Variants in GALNT18 observed in about 807,000 individuals in gnomAD.
GALNT18 encodes GalNAc-transferase 18.
In GALNT18, 44 loss-of-function variants were observed where a neutral mutation model predicts 69.5. The observed-to-expected ratio is 0.63, with a 90% CI of 0.50 to 0.81. The LOEUF (loss-of-function observed/expected upper bound fraction) is 0.81, where lower values mean the gene tolerates loss of function less well. GALNT18 is among the 40% of genes least tolerant of loss of function. The pLI, the probability that GALNT18 is intolerant of heterozygous loss-of-function variation, is 0.00. For synonymous variants in GALNT18, 364 were observed against 318.2 expected (o/e 1.14, Z -1.53); for missense variants, 715 against 810.0 (o/e 0.88, Z 1.42).
chr11:11,437,137 A>G (rs945774753), intron 2 of GALNT18, among the ~76,000 whole-genome samples: 7 of 152,152 alleles, frequency 4.6e-5, no homozygotes, highest in African/African-American at 1.7e-4. Flanking sequence ...AGAAGGGCTG[A>G]GGACACAGAG....
chr11:11,329,548 T>A (rs1849983252), intron 8 of GALNT18, among the ~76,000 whole-genome samples: 1 of 152,206 alleles, frequency 6.6e-6, no homozygotes, highest in African/African-American at 2.4e-5. Flanking sequence ...TCTGGAAGCC[T>A]TTCCCGACCC....
intron 1 of GALNT18, among the ~76,000 whole-genome samples, chr11:11,594,399 A>G (rs1337440936): frequency 6.6e-6 from 1 of 152,190 alleles, no homozygotes; most frequent in East Asian, 1.9e-4. Context: ...TGCACTCATT[A>G]CCACAATCTA....
chr11:11,400,463 T>C (rs902814440), intron 3 of GALNT18, among the ~76,000 whole-genome samples: 2 of 152,204 alleles, frequency 1.3e-5, no homozygotes, highest in Non-Finnish European at 1.5e-5. Context: ...AACCAGAGAA[T>C]GTATGCCCTG....
At chr11:11,522,600 C>T (rs1283199689) in intron 1 of GALNT18, among the ~76,000 whole-genome samples, 2 of 152,202 alleles carry the variant, frequency 1.3e-5, no homozygotes, top group Non-Finnish European at 2.9e-5. Flanking sequence ...ATGCCACGCT[C>T]CTTGGGACCA....
Position 11,620,316 on chromosome 11 carries a change from A to AGC in GALNT18, c.235+1041_235+1042dup, listed in dbSNP as rs61471579. On this transcript the variant is annotated intron_variant, in intron 1 of 10. Transcript: ENST00000227756. This position sits in a 1 kb window ranked among gnomAD's most constrained non-coding sequence, Gnocchi z 6.9. ...GGGGAGGGGAGGAAGTGTGGACGTG[A>AGC]GCGCGCGCGCGCGCGCGTGTGTGTG... Among the ~76,000 whole-genome samples, 4 of 148,018 alleles carry AGC rather than the reference A, an allele frequency of 2.7e-5. No individual in the cohort carries two copies. Among genetic ancestry groups the AGC allele is most frequent in the African/African-American group, 9.9e-5 (4 of 40,278 alleles).
intron 9 of GALNT18, among the ~76,000 whole-genome samples, chr11:11,303,953 G>A (rs1004148051): frequency 3.3e-5 from 5 of 152,348 alleles, no homozygotes; most frequent in African/African-American, 1.2e-4. Context: ...GGCTGACAGT[G>A]ACCCATTTCC....
At chr11:11,478,355 A>T (rs1036287130) in intron 1 of GALNT18, among the ~76,000 whole-genome samples, 1 of 152,238 alleles carries the variant, frequency 6.6e-6, no homozygotes, top group Non-Finnish European at 1.5e-5. Flanking sequence ...TTTATTTCCC[A>T]TGGCCTCTTT....
intron 1 of GALNT18, among the ~76,000 whole-genome samples, chr11:11,547,760 A>T (rs924496454): frequency 1.4e-4 from 21 of 152,268 alleles, no homozygotes; most frequent in African/African-American, 5.1e-4. Context: ...ATTAACATAG[A>T]TCTGATCCTA....
intron 1 of GALNT18, among the ~76,000 whole-genome samples, chr11:11,566,525 T>C (rs1057512215): frequency 7.9e-5 from 12 of 152,362 alleles, no homozygotes; most frequent in Non-Finnish European, 1.5e-4. Flanking sequence ...GGAGATGTCT[T>C]TCTTGAGAGG....
chr11:11,484,378 A>C (rs2133874435), intron 1 of GALNT18, among the ~76,000 whole-genome samples: 1 of 152,160 alleles, frequency 6.6e-6, no homozygotes, highest in African/African-American at 2.4e-5. Flanking sequence ...GGATCACCTG[A>C]GGTCGGGAGT....
chr11:11,363,015 C>T (rs186624194), intron 6 of GALNT18, among the ~76,000 whole-genome samples: 1 of 152,184 alleles, frequency 6.6e-6, no homozygotes, highest in Admixed American at 6.5e-5. Flanking sequence ...TGTTATAGAA[C>T]AATCTTCAGA....
At chr11:11,448,366 G>T (rs1389013575) in intron 2 of GALNT18, among the ~76,000 whole-genome samples, 1 of 152,164 alleles carries the variant, frequency 6.6e-6, no homozygotes, top group African/African-American at 2.4e-5. Context: ...GTAACGACTT[G>T]TTAGCCCCAC....
chr11:11,388,821 C>G (rs1360709933), intron 3 of GALNT18, among the ~76,000 whole-genome samples: 32 of 152,224 alleles, frequency 2.1e-4, no homozygotes, highest in Non-Finnish European at 2.9e-5. Context: ...ATGATGTGCA[C>G]CACTTAAGAG....
chr11:11,282,429 T>G (rs1849099803), intron 10 of GALNT18, among the ~76,000 whole-genome samples: 1 of 152,114 alleles, frequency 6.6e-6, no homozygotes, highest in South Asian at 2.1e-4. Flanking sequence ...CCCTGAGAGG[T>G]AGAGAGAATA....
At chr11:11,328,030 C>T (rs976319976) in intron 8 of GALNT18, among the ~76,000 whole-genome samples, 1 of 152,138 alleles carries the variant, frequency 6.6e-6, no homozygotes, top group Non-Finnish European at 1.5e-5. Context: ...AGACTGTGAT[C>T]AGTGGGTGGT....
chr11:11,402,994 C>A lies in GALNT18; in HGVS notation c.596-23730G>T, dbSNP rs550218442. ...TCAGAACTGGGAAAGAAAAGTGATC[C>A]TTTAGGAAGAATCATGCTCTCCCCA... On this transcript the variant is annotated intron_variant, in intron 3 of 10. Transcript: ENST00000227756. The surrounding 1 kb of genome is among the most constrained non-coding windows in gnomAD (Gnocchi z 4.0). Among the ~76,000 whole-genome samples, 3 of 152,274 alleles carry A rather than the reference C, an allele frequency of 2.0e-5. No individual in the cohort carries two copies. In the East Asian group the frequency reaches 5.8e-4, roughly 29 times the overall value.
chr11:11,498,235 C>T (rs1054384098), intron 1 of GALNT18, among the ~76,000 whole-genome samples: 3 of 152,170 alleles, frequency 2.0e-5, no homozygotes, highest in African/African-American at 7.2e-5. Context: ...TTCTAAGAAG[C>T]AATTCTCTTT....
In GALNT18 at chr11:11,490,844, C is replaced by T. The variant is rs183518993; in HGVS notation, c.236-41908G>A. On this transcript the variant is annotated intron_variant, in intron 1 of 10. Coordinates refer to ENST00000227756, the MANE Select transcript of GALNT18 (RefSeq NM_198516.3). ...CTGGGTCTCCCTAATGAAACTCCAA[C>T]GCGGATTGTCAGAGGTTTGTCTGGC... 5.8e-4 allele frequency among the ~76,000 whole-genome samples: 89 copies of T among 152,330 alleles called. 1 individual carries two copies. The highest frequency in any genetic ancestry group is 8.3e-4 in the South Asian group (4 of 4,824).
chr11:11,462,626 G>C (rs988144022), intron 1 of GALNT18, among the ~76,000 whole-genome samples: 3 of 152,000 alleles, frequency 2.0e-5, no homozygotes, highest in Admixed American at 6.6e-5. Flanking sequence ...TTTCTCATCA[G>C]TAAACACAAG....
Sources: allele counts gnomAD v4.1 joint callset (sites outside exome capture counted in the v4.1 genomes callset), GRCh38; gene constraint gnomAD v4.1.1; non-coding constraint Gnocchi (gnomAD v3.1); transcripts MANE v1.5; gene names NCBI Gene and HGNC (gene_info 2026-07-23, HGNC 2026-07-21).